Variants in ANKS1B observed in about 807,000 individuals in gnomAD.
ANKS1B encodes ankyrin repeat and sterile alpha motif domain-containing protein 1B.
A neutral mutation model predicts 148.3 loss-of-function variants in ANKS1B; 36 were observed. The observed-to-expected ratio is 0.24, with a 90% CI of 0.19 to 0.32. ANKS1B has a LOEUF of 0.32. Ranked by LOEUF, ANKS1B falls within the 10% of genes least tolerant of loss-of-function variation. The pLI is 1.00. For missense variants in ANKS1B, 1,157 were observed against 1,542.6 expected (o/e 0.75, Z 4.19); for synonymous variants, 542 against 560.8 (o/e 0.97, Z 0.47).
chr12:98,900,431 C>A (rs940454204), intron 17 of ANKS1B, among the ~76,000 whole-genome samples: 1 of 152,128 alleles, frequency 6.6e-6, no homozygotes, highest in Non-Finnish European at 1.5e-5. Flanking sequence ...ATAGCACAAA[C>A]CTACTTAAAT....
At chr12:99,239,037 G>C (rs958800534) in intron 14 of ANKS1B, among the ~76,000 whole-genome samples, 1 of 152,164 alleles carries the variant, frequency 6.6e-6, no homozygotes, top group African/African-American at 2.4e-5. Flanking sequence ...CTCCTCGCCA[G>C]CAAGTGAACA....
At position 99,282,672 on chromosome 12, in the gene ANKS1B, G is replaced by T. The variant is rs182301093; in HGVS notation, c.1757-35808C>A. Among the ~76,000 whole-genome samples the T allele has an allele frequency of 2.0e-5, 3 of 152,178 alleles. No homozygotes were observed. The East Asian group carries it at 5.8e-4, about 29-fold the overall frequency. ...AACTAACAAGATTTACTGATGTATCGGATGTGCCATATCAAAAAAAAGAGG... is the reference window on the plus strand; with the variant it reads ...AACTAACAAGATTTACTGATGTATCTGATGTGCCATATCAAAAAAAAGAGG... On this transcript the variant is annotated intron_variant, in intron 12 of 26. Coordinates refer to ENST00000683438, the MANE Select transcript of ANKS1B (RefSeq NM_001352186.2).
chr12:98,820,160 A>C (rs998767949), intron 19 of ANKS1B, among the ~76,000 whole-genome samples: 1 of 152,242 alleles, frequency 6.6e-6, no homozygotes, highest in African/African-American at 2.4e-5. Flanking sequence ...CACGTCCGCT[A>C]GTTCCCAGTT....
chr12:99,590,241 C>G (rs1481106426), intron 9 of ANKS1B, among the ~76,000 whole-genome samples: 1 of 139,112 alleles, frequency 7.2e-6, no homozygotes, highest in Non-Finnish European at 1.5e-5. Context: ...AAAACATTCA[C>G]TCACACCCAC....
intron 12 of ANKS1B, among the ~76,000 whole-genome samples, chr12:99,255,665 T>C (rs1197492235): frequency 6.6e-6 from 1 of 152,168 alleles, no homozygotes; most frequent in Non-Finnish European, 1.5e-5. Context: ...CATTTATATT[T>C]TTGTTTAACT....
intron 16 of ANKS1B, among the ~76,000 whole-genome samples, chr12:99,067,877 C>CGT (rs2044897662): frequency 1.9e-5 from 2 of 103,470 alleles, no homozygotes; most frequent in South Asian, 3.2e-4. Flanking sequence ...CGTGTGTGTG[C>CGT]ATGTGTGTGT....
At chr12:99,876,460 C>T (rs889134924) in intron 1 of ANKS1B, among the ~76,000 whole-genome samples, 4 of 152,124 alleles carry the variant, frequency 2.6e-5, no homozygotes, top group Non-Finnish European at 4.4e-5. Context: ...CAGTGGCTCA[C>T]GCCTGTAATC....
At chr12:98,985,289 T>A (rs2099922607) in intron 17 of ANKS1B, among the ~76,000 whole-genome samples, 1 of 151,860 alleles carries the variant, frequency 6.6e-6, no homozygotes, top group East Asian at 1.9e-4. Flanking sequence ...ATTAAAAAAT[T>A]TTTTTTTGCA....
chr12:98,854,245 A>G (rs1347125865), intron 17 of ANKS1B, among the ~76,000 whole-genome samples: 1 of 152,120 alleles, frequency 6.6e-6, no homozygotes, highest in African/African-American at 2.4e-5. Context: ...GGGTGGTGCG[A>G]CTCCTAGGGG....
intron 16 of ANKS1B, among the ~76,000 whole-genome samples, chr12:99,075,173 C>T (rs2047445914): frequency 6.6e-6 from 1 of 152,114 alleles, no homozygotes; most frequent in Non-Finnish European, 1.5e-5. Context: ...ACTTCTTGGC[C>T]TAATTTGCAG....
chr12:99,412,657 T>C (rs2094753800), intron 11 of ANKS1B, among the ~76,000 whole-genome samples: 1 of 152,242 alleles, frequency 6.6e-6, no homozygotes, highest in Non-Finnish European at 1.5e-5. Flanking sequence ...TCATCACTGC[T>C]ATGAATTTAT....
intron 17 of ANKS1B, among the ~76,000 whole-genome samples, chr12:99,009,835 T>C (rs908798939): frequency 8.0e-6 from 1 of 124,846 alleles, no homozygotes; most frequent in Non-Finnish European, 1.6e-5. Context: ...AGTTGAGTCA[T>C]CTATGCAAAA....
At chr12:99,563,025 G>A (rs73381514) in intron 9 of ANKS1B, among the ~76,000 whole-genome samples, 1,905 of 152,054 alleles carry the variant, frequency 0.013, 38 homozygotes, top group African/African-American at 0.044. Context: ...CTTTTCTTCC[G>A]AAGCTTCTTC....
At chr12:99,176,440 A>G (rs2078390042) in intron 14 of ANKS1B, among the ~76,000 whole-genome samples, 1 of 152,132 alleles carries the variant, frequency 6.6e-6, no homozygotes, top group African/African-American at 2.4e-5. Flanking sequence ...CATCTTCATC[A>G]TTACTACGAT....
At position 99,665,678 on chromosome 12, in the gene ANKS1B, G is replaced by A. The variant is rs551859594; in HGVS notation, c.1129-10468C>T. On this transcript the variant is annotated intron_variant, in intron 8 of 26. Transcript: ENST00000683438. ...ATTTTTTGTATTTTTAGTAGAGACGGGGTTTCACCGTGTTAACCAGGATGG... is the reference window on the plus strand; with the variant it reads ...ATTTTTTGTATTTTTAGTAGAGACGAGGTTTCACCGTGTTAACCAGGATGG... Among the ~76,000 whole-genome samples, 51 of 152,156 alleles carry A rather than the reference G, an allele frequency of 3.4e-4. 1 individual carries two copies. Among genetic ancestry groups the A allele is most frequent in the Admixed American group, 1.2e-3 (19 of 15,294 alleles).
intron 1 of ANKS1B, among the ~76,000 whole-genome samples, chr12:99,879,747 T>G (rs969758074): frequency 6.6e-6 from 1 of 152,014 alleles, no homozygotes; most frequent in Admixed American, 6.5e-5. Flanking sequence ...CTGTTGCTTT[T>G]GTTTGTTTGT....
chr12:99,291,422 C>T (rs548240374), intron 12 of ANKS1B, among the ~76,000 whole-genome samples: 1 of 152,206 alleles, frequency 6.6e-6, no homozygotes, highest in Non-Finnish European at 1.5e-5. Context: ...CACAAAAGAA[C>T]TAGGCTAGCC....
At chr12:99,055,302 G>A (rs2099968853) in intron 16 of ANKS1B, among the ~76,000 whole-genome samples, 1 of 152,212 alleles carries the variant, frequency 6.6e-6, no homozygotes, top group Admixed American at 6.5e-5. Flanking sequence ...GGAAGAAAGT[G>A]AGAAACACTA....
rs574921691 is a variant in ANKS1B at position 99,269,715 on chromosome 12, C to A, written c.1757-22851G>T. On this transcript the variant is annotated intron_variant, in intron 12 of 26. Transcript: ENST00000683438. ...CTGGGACCACAGGCGCCCGCCACCA[C>A]GCCCGGCTAATTTTTTGTATTTTTT... Among the ~76,000 whole-genome samples, 5 of 152,234 alleles carry A rather than the reference C, an allele frequency of 3.3e-5. No individual in the cohort carries two copies. The South Asian group carries it at 1.0e-3, about 32-fold the overall frequency.
Sources: gnomAD v4.1 joint callset for allele counts (sites outside exome capture counted in the v4.1 genomes callset) on GRCh38, gnomAD v4.1.1 for gene constraint, MANE v1.5 for transcripts, NCBI Gene and HGNC (gene_info 2026-07-23, HGNC 2026-07-21) for gene names.